The following RBL1 variants were observed in gnomAD, a reference collection of about 807,000 sequenced individuals.
The protein encoded by RBL1 is retinoblastoma-like protein 1.
Under a neutral mutation model 123.0 loss-of-function variants are expected in RBL1, and 82 were observed. The observed-to-expected ratio is 0.67, with a 90% confidence interval of 0.56 to 0.80. The LOEUF (loss-of-function observed/expected upper bound fraction) is 0.80, where lower values mean the gene tolerates loss of function less well. RBL1 is among the 30% of genes least tolerant of loss of function. The pLI, the probability that RBL1 is intolerant of heterozygous loss-of-function variation, is 0.00. For missense variants in RBL1, 1,171 were observed against 1,299.6 expected, an observed-to-expected ratio of 0.90 and a Z score of 1.52; for synonymous variants, 405 against 441.3, an observed-to-expected ratio of 0.92 and a Z score of 1.03.
intron 9 of RBL1, among the ~76,000 whole-genome samples, chr20:37,059,083 C>G (rs148487428): frequency 2.0e-4 from 31 of 152,214 alleles, no homozygotes; most frequent in African/African-American, 7.5e-4. Flanking sequence ...TCTATACTTC[C>G]TTTTTCTTAT....
chr20:37,057,807 G>A (rs2065032407), intron 9 of RBL1, among the ~76,000 whole-genome samples: 1 of 152,036 alleles, frequency 6.6e-6, no homozygotes, highest in Non-Finnish European at 1.5e-5. Flanking sequence ...TGGCCAACAT[G>A]GTGAAACATG....
chr20:37,016,116 C>T (rs2064248688), intron 19 of RBL1, among the ~76,000 whole-genome samples: 1 of 151,066 alleles, frequency 6.6e-6, no homozygotes, highest in African/African-American at 2.4e-5. Context: ...CAACCTCTGC[C>T]TCCTGGGTTC....
chr20:37,095,772 C>T lies in RBL1; in HGVS notation c.156+1G>A. On this transcript the variant is annotated splice_donor_variant, in intron 1 of 21. Transcript: ENST00000373664. LOFTEE classifies it high-confidence loss of function. ...CGGCCGCCCCACCTGCTGCCGCTCA[C>T]CTCTAGGCTGTAGTTGCCTCGGATG... 6.2e-7 allele frequency: 1 copy of T among 1,606,268 alleles called. No homozygotes were observed. The highest frequency in any genetic ancestry group is 8.5e-7 in the Non-Finnish European group (1 of 1,176,448).
At chr20:37,093,978 AAAAT>A (rs1311224394) in intron 1 of RBL1, among the ~76,000 whole-genome samples, 2 of 152,128 alleles carry the variant, frequency 1.3e-5, no homozygotes, top group Non-Finnish European at 2.9e-5. Context: ...AAAGAAAGAA[AAAAT>A]AAATAAGTAG....
chr20:37,056,586 C>A (rs2065011221), intron 9 of RBL1, among the ~76,000 whole-genome samples: 1 of 152,042 alleles, frequency 6.6e-6, no homozygotes, highest in South Asian at 2.1e-4. Context: ...ATCTCCTAAC[C>A]TTGTGATCCA....
chr20:37,084,070 G>A (rs1429567875), intron 2 of RBL1, among the ~76,000 whole-genome samples: 1 of 151,402 alleles, frequency 6.6e-6, no homozygotes, highest in Non-Finnish European at 1.5e-5. Context: ...CACCATGCCT[G>A]GCTAATCTTT....
At chr20:37,054,028 TACACACACACAC>T (rs55898438) in intron 11 of RBL1, among the ~76,000 whole-genome samples, 7 of 146,844 alleles carry the variant, frequency 4.8e-5, no homozygotes, top group Non-Finnish European at 9.0e-5. Context: ...TACAATTTTA[TACACACACACAC>T]ACACACACAC....
intron 16 of RBL1, among the ~76,000 whole-genome samples, chr20:37,026,302 T>A (rs2146236801): frequency 6.6e-6 from 1 of 152,090 alleles, no homozygotes; most frequent in African/African-American, 2.4e-5. Flanking sequence ...TAATTCAGAG[T>A]GTGGGCTGAG....
At chr20:37,032,076 T>C (rs1413237719) in intron 16 of RBL1, among the ~76,000 whole-genome samples, 1 of 151,938 alleles carries the variant, frequency 6.6e-6, no homozygotes, top group East Asian at 1.9e-4. Context: ...CAAATGTTCA[T>C]AGCAGCATAA....
intron 14 of RBL1, among the ~76,000 whole-genome samples, chr20:37,035,815 T>C (rs986122044): frequency 3.9e-5 from 6 of 152,180 alleles, no homozygotes; most frequent in African/African-American, 1.4e-4. Flanking sequence ...CACTAAATTT[T>C]AGTAGTAGTC....
At chr20:37,006,764 C>T (rs542165354) in intron 20 of RBL1, among the ~76,000 whole-genome samples, 7 of 144,888 alleles carry the variant, frequency 4.8e-5, no homozygotes, top group South Asian at 2.2e-4. Flanking sequence ...CACTTGAGCC[C>T]GGGAGGCAGA....
At chr20:37,077,332 C>T (rs1230419252) in intron 2 of RBL1, among the ~76,000 whole-genome samples, 1 of 152,158 alleles carries the variant, frequency 6.6e-6, no homozygotes, top group Admixed American at 6.5e-5. Flanking sequence ...GATATTTTCT[C>T]AAATATTCTG....
chr20:37,022,628 C>T (rs200444371), intron 17 of RBL1, 22 bp downstream of exon 17: 2 of 1,583,022 alleles, frequency 1.3e-6, no homozygotes, highest in Non-Finnish European at 1.7e-6. Context: ...TGCCCAGCCT[C>T]TTCTCCCAAT....
chr20:37,016,853 C>T (rs1020465467), intron 19 of RBL1, among the ~76,000 whole-genome samples: 1 of 148,444 alleles, frequency 6.7e-6, no homozygotes, highest in African/African-American at 2.5e-5. Context: ...CACTGCATGC[C>T]TGCCTGGGTA....
In RBL1 at chr20:37,061,352, C is replaced by T. The variant is rs1475251724; in HGVS notation, c.1084-83G>A. On this transcript the variant is annotated intron_variant, in intron 8 of 21. Transcript: ENST00000373664. Reference sequence around the variant, plus strand: ...TTTAATTCAGTGCATATACCATCTTCTCTATTCATATTTGTAATATCCATG... The same window carrying T: ...TTTAATTCAGTGCATATACCATCTTTTCTATTCATATTTGTAATATCCATG... 3 of 1,465,010 alleles carry T rather than the reference C, an allele frequency of 2.0e-6. No homozygotes were observed. In the East Asian group the frequency reaches 7.0e-5, roughly 34 times the overall value. 90.8% of individuals were successfully genotyped at this position (1,465,010 alleles called of 1,614,324 possible). A position where few individuals can be genotyped will look rare whatever the true frequency, so the allele number is the denominator to read the frequency against.
intron 11 of RBL1, among the ~76,000 whole-genome samples, chr20:37,053,285 A>C (rs893398878): frequency 6.6e-6 from 1 of 152,230 alleles, no homozygotes; most frequent in Non-Finnish European, 1.5e-5. Flanking sequence ...ACAATGAAAA[A>C]TAATGGATTC....
At position 37,071,871 on chromosome 20, in the gene RBL1, G is replaced by C. The variant is rs555243755; in HGVS notation, c.291-3685C>G. Among the ~76,000 whole-genome samples the C allele has an allele frequency of 1.8e-3, 278 of 152,214 alleles. 2 individuals carry two copies. The highest frequency in any genetic ancestry group is 2.3e-3 in the Non-Finnish European group (155 of 68,024). On this transcript the variant is annotated intron_variant, in intron 2 of 21. Coordinates refer to ENST00000373664, the MANE Select transcript of RBL1 (RefSeq NM_002895.5). ...TGTGCCTCCTCCCCCTTCACCTACC[G>C]TGACTGTAAACTTCCTGAGGCCCTC...
At chr20:37,059,349 C>T (rs1013747811) in intron 9 of RBL1, among the ~76,000 whole-genome samples, 4 of 152,176 alleles carry the variant, frequency 2.6e-5, no homozygotes, top group African/African-American at 4.8e-5. Context: ...ACCAGGGCTT[C>T]GCTTTGTCTT....
intron 2 of RBL1, among the ~76,000 whole-genome samples, chr20:37,073,098 G>T (rs189191751): frequency 1.3e-5 from 2 of 152,194 alleles, no homozygotes; most frequent in East Asian, 3.9e-4. Context: ...TGGGACCACA[G>T]GTATGTGCCC....
Sources: gnomAD v4.1 joint callset for allele counts (sites outside exome capture counted in the v4.1 genomes callset) on GRCh38, gnomAD v4.1.1 for gene constraint, MANE v1.5 for transcripts, NCBI Gene and HGNC (gene_info 2026-07-23, HGNC 2026-07-21) for gene names.